The following ASAP1 variants were observed in gnomAD, a reference collection of about 807,000 sequenced individuals.
ASAP1 encodes the protein ArfGAP with SH3 domain, ankyrin repeat and PH domain 1, also known as arf-GAP with SH3 domain, ANK repeat and PH domain-containing protein 1.
A neutral mutation model predicts 145.2 loss-of-function variants in ASAP1; 43 were observed. The ratio of observed to expected loss-of-function variants is 0.30; its 90% CI spans 0.23 to 0.38. The LOEUF (loss-of-function observed/expected upper bound fraction) is 0.38, where lower values mean the gene tolerates loss of function less well. Ranked by LOEUF, ASAP1 falls within the 10% of genes least tolerant of loss-of-function variation. The pLI, the probability that ASAP1 is intolerant of heterozygous loss-of-function variation, is 1.00. For missense variants in ASAP1, 1,018 were observed against 1,355.3 expected (o/e 0.75, Z 3.91); for synonymous variants, 546 against 515.5 (o/e 1.06, Z -0.80).
At chr8:130,108,343 T>C (rs1344519116) in intron 24 of ASAP1, among the ~76,000 whole-genome samples, 1 of 152,250 alleles carries the variant, frequency 6.6e-6, no homozygotes, top group Non-Finnish European at 1.5e-5. Flanking sequence ...GTAATTAGCA[T>C]ATCAGGTGTT....
At chr8:130,229,055 C>A (rs118102653) in intron 4 of ASAP1, among the ~76,000 whole-genome samples, 24 of 152,212 alleles carry the variant, frequency 1.6e-4, no homozygotes, top group Middle Eastern at 3.4e-3. Context: ...ACAAACTAGC[C>A]GAGCAAAGTC....
At chr8:130,314,885 T>C (rs1823574516) in intron 3 of ASAP1, among the ~76,000 whole-genome samples, 1 of 152,228 alleles carries the variant, frequency 6.6e-6, no homozygotes, top group African/African-American at 2.4e-5. Context: ...AACATTCATT[T>C]GCTTACTCTG....
intron 3 of ASAP1, among the ~76,000 whole-genome samples, chr8:130,239,761 T>C (rs1338341879): frequency 2.0e-5 from 3 of 152,150 alleles, no homozygotes; most frequent in African/African-American, 7.2e-5. Flanking sequence ...AAAATAGTCA[T>C]TAATTTTTTT....
intron 27 of ASAP1, among the ~76,000 whole-genome samples, chr8:130,072,830 C>CGCGTGCACGCGCG (rs1448184178): frequency 3.1e-5 from 1 of 31,922 alleles, no homozygotes; most frequent in African/African-American, 2.0e-4. Flanking sequence ...TGTGTGCGCG[C>CGCGTGCACGCGCG]GGGGGGGGGC....
intron 18 of ASAP1, among the ~76,000 whole-genome samples, chr8:130,120,365 C>T (rs56347021): frequency 0.026 from 4,033 of 152,298 alleles, 64 homozygotes; most frequent in Middle Eastern, 0.044. Flanking sequence ...TCTGAGACCA[C>T]GTGCTAACTA....
At chr8:130,289,347 T>C (rs1012026471) in intron 3 of ASAP1, among the ~76,000 whole-genome samples, 6 of 152,180 alleles carry the variant, frequency 3.9e-5, no homozygotes, top group Non-Finnish European at 8.8e-5. Flanking sequence ...ACAGTAAGAA[T>C]GTGGCCATTT....
chr8:130,287,332 C>T (rs1409480898), intron 3 of ASAP1, among the ~76,000 whole-genome samples: 1 of 152,090 alleles, frequency 6.6e-6, no homozygotes, highest in African/African-American at 2.4e-5. Context: ...AAGGTTACTT[C>T]AGATTAGGAA....
At chr8:130,066,894 T>C (rs2097432036) in intron 27 of ASAP1, among the ~76,000 whole-genome samples, 1 of 152,222 alleles carries the variant, frequency 6.6e-6, no homozygotes, top group Non-Finnish European at 1.5e-5. Context: ...GAAGAGGCCC[T>C]GTTGGGTCTG....
chr8:130,153,544 A>G (rs1206102830), intron 12 of ASAP1, among the ~76,000 whole-genome samples: 1 of 150,598 alleles, frequency 6.6e-6, no homozygotes, highest in Non-Finnish European at 1.5e-5. Context: ...TAATTTTTAC[A>G]TTTTTTGTAG....
chr8:130,270,984 C>T (rs1820549791), intron 3 of ASAP1, among the ~76,000 whole-genome samples: 1 of 152,158 alleles, frequency 6.6e-6, no homozygotes, highest in East Asian at 1.9e-4. Context: ...ATCCACTTGG[C>T]CAAACAAATC....
chr8:130,362,399 A>G (rs1199253480), intron 2 of ASAP1, among the ~76,000 whole-genome samples: 2 of 152,220 alleles, frequency 1.3e-5, no homozygotes, highest in Admixed American at 1.3e-4. Flanking sequence ...TTTTTATTAC[A>G]TGGACCTGAG....
chr8:130,241,853 C>T (rs1056079305), intron 3 of ASAP1, among the ~76,000 whole-genome samples: 4 of 152,062 alleles, frequency 2.6e-5, no homozygotes, highest in African/African-American at 9.7e-5. Flanking sequence ...TTAAGACTTT[C>T]TATTTTAGAA....
chr8:130,385,663 G>C (rs939833683), intron 2 of ASAP1, among the ~76,000 whole-genome samples: 2 of 152,206 alleles, frequency 1.3e-5, no homozygotes, highest in Non-Finnish European at 2.9e-5. Context: ...GTCCACGAGT[G>C]GAGGGAGAGT....
chr8:130,302,724 T>G (rs1401732312), intron 3 of ASAP1, among the ~76,000 whole-genome samples: 1 of 152,188 alleles, frequency 6.6e-6, no homozygotes, highest in Non-Finnish European at 1.5e-5. Flanking sequence ...AACGGTTCTC[T>G]GGAGAAAAGA....
intron 4 of ASAP1, among the ~76,000 whole-genome samples, chr8:130,226,829 C>A (rs566503331): frequency 6.6e-6 from 1 of 152,270 alleles, no homozygotes; most frequent in East Asian, 1.9e-4. Flanking sequence ...TTCCTACCTG[C>A]CAGAAGAAAT....
At chr8:130,118,058 A>T (rs2135648859) in intron 20 of ASAP1, 103 bp downstream of exon 20, 1 of 931,172 alleles carries the variant, frequency 1.1e-6, no homozygotes, top group South Asian at 1.7e-5. Context: ...AGCATGACAC[A>T]GAAAAAGCTT....
intron 27 of ASAP1, among the ~76,000 whole-genome samples, chr8:130,075,268 G>T (rs941288713): frequency 1.3e-5 from 2 of 152,194 alleles, no homozygotes; most frequent in Non-Finnish European, 2.9e-5. Flanking sequence ...AAACCCAGGG[G>T]AAGTCTTGCA....
rs7016780 is a variant in ASAP1, at chr8:130,054,693, C to G, written c.*38G>C. On this transcript the variant is annotated 3_prime_UTR_variant, in exon 30 of 30. Coordinates refer to ENST00000518721, the MANE Select transcript of ASAP1 (RefSeq NM_018482.4). ...GGGTTACATGAAGGCAGCAGTCTTG[C>G]ATGAAGGATGTGGACAATCTTAAGG... The G allele has an allele frequency of 6.4e-7, 1 of 1,572,294 alleles. No homozygotes were observed. The highest frequency in any genetic ancestry group is 8.8e-7 in the Non-Finnish European group (1 of 1,142,640).
intron 3 of ASAP1, among the ~76,000 whole-genome samples, chr8:130,252,204 T>C (rs1170722801): frequency 1.3e-5 from 2 of 152,192 alleles, no homozygotes; most frequent in East Asian, 3.9e-4. Flanking sequence ...AGGTCTATCA[T>C]TTATTGTCTA....
Sources: allele counts gnomAD v4.1 joint callset (sites outside exome capture counted in the v4.1 genomes callset), GRCh38; gene constraint gnomAD v4.1.1; transcripts MANE v1.5; gene names NCBI Gene and HGNC (gene_info 2026-07-23, HGNC 2026-07-21).